Variants in TRAK2 observed in about 807,000 individuals in gnomAD.
The protein encoded by TRAK2 is trafficking kinesin-binding protein 2.
A neutral mutation model predicts 104.6 loss-of-function variants in TRAK2; 81 were observed. The ratio of observed to expected loss-of-function variants is 0.77; its 90% CI spans 0.65 to 0.93. The LOEUF (loss-of-function observed/expected upper bound fraction) is 0.93. Ranked by LOEUF, TRAK2 falls within the 40% of genes least tolerant of loss-of-function variation. The pLI is 0.00. For missense variants in TRAK2, 1,002 were observed against 1,089.0 expected (o/e 0.92, Z 1.12); for synonymous variants, 406 against 394.4 (o/e 1.03, Z -0.35).
intron 1 of TRAK2, among the ~76,000 whole-genome samples, chr2:201,430,787 G>C (rs1249748874): frequency 6.6e-6 from 1 of 152,206 alleles, no homozygotes; most frequent in South Asian, 2.1e-4. Context: ...CAGGTGAGGC[G>C]ATGCCCTGCC....
chr2:201,386,548 C>G (rs1951392954), intron 13 of TRAK2, 64 bp from the exon 14 acceptor site: 9 of 1,567,048 alleles, frequency 5.7e-6, no homozygotes, highest in Non-Finnish European at 7.9e-6. Flanking sequence ...TCTTAAAACA[C>G]AAGCTAAAAT....
intron 5 of TRAK2, 137 bp from the exon 6 acceptor site, chr2:201,398,491 C>CG (rs752775999): frequency 2.6e-6 from 2 of 755,296 alleles, no homozygotes; most frequent in Non-Finnish European, 4.2e-6. Context: ...TACTGACTAA[C>CG]GCAACAAGTA....
intron 2 of TRAK2, among the ~76,000 whole-genome samples, chr2:201,408,713 C>G (rs1195888102): frequency 2.0e-5 from 3 of 152,172 alleles, no homozygotes; most frequent in Admixed American, 2.0e-4. Flanking sequence ...GGTCTGATCT[C>G]AACTTACATG....
In TRAK2 at chr2:201,391,320, C is replaced by T. The variant is rs544522767; in HGVS notation, c.1114-1440G>A. On this transcript the variant is annotated intron_variant, in intron 10 of 15. Transcript: ENST00000332624. ...AGAAATCCATGAGTCCATGACATAC[C>T]TAAGTGAACAAATGAACAAATAAAT... is the stretch of plus-strand genomic sequence containing the variant. Among the ~76,000 whole-genome samples, 404 of 152,200 alleles carry T rather than the reference C, an allele frequency of 2.7e-3. 3 individuals are homozygous for T. The highest frequency in any genetic ancestry group is 8.9e-3 in the African/African-American group (369 of 41,518).
intron 3 of TRAK2, among the ~76,000 whole-genome samples, chr2:201,404,751 T>C (rs1420663787): frequency 6.6e-6 from 1 of 152,144 alleles, no homozygotes; most frequent in Non-Finnish European, 1.5e-5. Context: ...CTCTCCAACT[T>C]TCCCACACCA....
At position 201,388,007 on chromosome 2, in the gene TRAK2, G is replaced by A. The variant is rs1286317723; in HGVS notation, c.1398-6C>T. 1.2e-6 allele frequency: 2 copies of A among 1,613,942 alleles called. No homozygotes were observed. Among genetic ancestry groups the A allele is most frequent in the Non-Finnish European group, 1.7e-6 (2 of 1,179,974 alleles). ...GGCCCATCTTCTGGGAGCTCCTATA[G>A]GAAAATCGCGTTCACTGATTAGATC... On this transcript the variant is annotated splice_polypyrimidine_tract_variant and splice_region_variant and intron_variant, in intron 12 of 15. Transcript: ENST00000332624.
At chr2:201,386,087 A>C (rs898164468) in intron 14 of TRAK2, 131 bp downstream of exon 14, 26 of 973,948 alleles carry the variant, frequency 2.7e-5, no homozygotes, top group African/African-American at 4.9e-5. Context: ...CTAATGCTAT[A>C]GATTTTCATT....
At chr2:201,435,565 C>T (rs555817909) in intron 1 of TRAK2, among the ~76,000 whole-genome samples, 5 of 152,040 alleles carry the variant, frequency 3.3e-5, no homozygotes, top group South Asian at 2.1e-4. Context: ...GTTTAGTATG[C>T]ATTATTTAAA....
chr2:201,447,599 T>C lies in TRAK2; in HGVS notation c.-200+3751A>G, dbSNP rs1951974076. ...GTCTTTCCTTTGTGTGTGCAACTCC[T>C]GTGTCTCTTTTTGTGCTCAAATTTC... is the stretch of plus-strand genomic sequence containing the variant. On this transcript the variant is annotated intron_variant, in intron 1 of 15. Coordinates refer to ENST00000332624, the MANE Select transcript of TRAK2 (RefSeq NM_015049.3). The surrounding 1 kb of genome is among the most constrained non-coding windows in gnomAD (Gnocchi z 4.1). Among the ~76,000 whole-genome samples the C allele has an allele frequency of 6.6e-6, 1 of 152,238 alleles. No homozygotes were observed. Among genetic ancestry groups the C allele is most frequent in the Non-Finnish European group, 1.5e-5 (1 of 68,034 alleles).
intron 1 of TRAK2, among the ~76,000 whole-genome samples, chr2:201,450,955 T>G (rs1247404380): frequency 6.6e-6 from 1 of 152,204 alleles, no homozygotes; most frequent in African/African-American, 2.4e-5. Context: ...GAAAGAGCTC[T>G]TTCCAATACC....
rs1293422024 is a variant in TRAK2, at chr2:201,394,846, T to A, written c.927A>T (p.Lys309Asn). ...KEHVIEKEEL[K>N]LHLQASKDAQ... The stretch of plus-strand genomic sequence containing the variant: ...CATCTTTGGAAGCTTGCAGGTGAAG[T>A]TTTAGTTCTTCCTTCTCAATCACAT... The change falls in exon 9 of 16, where the codon AAA becomes AAT. Residue 309 changes from lysine to asparagine, a missense_variant. Physicochemically the swap from Lys to Asn is moderately conservative, Grantham distance 94. Transcript: ENST00000332624. The A allele has an allele frequency of 9.9e-6, 16 of 1,613,960 alleles. No homozygotes were observed. Among genetic ancestry groups the A allele is most frequent in the Non-Finnish European group, 1.3e-5 (15 of 1,179,908 alleles).
At chr2:201,446,845 T>A (rs191801519) in intron 1 of TRAK2, among the ~76,000 whole-genome samples, 2 of 152,234 alleles carry the variant, frequency 1.3e-5, no homozygotes, top group African/African-American at 2.4e-5. Context: ...AATATTCTGA[T>A]AGTTGTATAA....
chr2:201,423,185 C>T (rs1473579427), intron 1 of TRAK2, among the ~76,000 whole-genome samples: 1 of 152,064 alleles, frequency 6.6e-6, no homozygotes, highest in Non-Finnish European at 1.5e-5. Context: ...AGTGATCCTC[C>T]TGCCTCAACT....
At chr2:201,430,341 T>G (rs1281273572) in intron 1 of TRAK2, among the ~76,000 whole-genome samples, 2 of 152,354 alleles carry the variant, frequency 1.3e-5, no homozygotes, top group Non-Finnish European at 1.5e-5. Flanking sequence ...GGAGAACCAC[T>G]ATTCTCTTCA....
At position 201,397,522 on chromosome 2, in the gene TRAK2, C is replaced by A; in HGVS notation, c.749G>T (p.Ser250Ile). 1 of 1,612,732 alleles carries A rather than the reference C, an allele frequency of 6.2e-7. No homozygotes were observed. The highest frequency in any genetic ancestry group is 8.5e-7 in the Non-Finnish European group (1 of 1,179,172). ...CTCACGAAGTTCTTTAACACAGTCG[C>A]TGACAAGCTGTTGTTCCTTTTCTTC... ...TYEEKEQQLV[S>I]DCVKELRETN... The change falls in exon 7 of 16, where the codon AGC becomes ATC. Residue 250 changes from serine to isoleucine, a missense_variant. By Grantham distance (142) the Ser-to-Ile change is moderately radical. Coordinates refer to ENST00000332624, the MANE Select transcript of TRAK2 (RefSeq NM_015049.3).
At chr2:201,440,853 T>C (rs568859479) in intron 1 of TRAK2, among the ~76,000 whole-genome samples, 8 of 152,316 alleles carry the variant, frequency 5.3e-5, no homozygotes, top group African/African-American at 1.9e-4. Context: ...GGTTAATCAG[T>C]GTTTATTGAT....
chr2:201,380,909 C>A lies in TRAK2; in HGVS notation c.2379G>T (p.Glu793Asp), dbSNP rs1951337000. ...AATTTTCAGAGAGATGCACTCGAGG[C>A]TCAAAGGGTAAAGGAGAAGGGCAAG... Reference protein sequence around the residue: ...HSPCPSPLPFEPRVHLSENFL... With the variant: ...HSPCPSPLPFDPRVHLSENFL... Residue 793 changes from glutamate (E) to aspartate (D), a missense_variant, in exon 16 of 16, where the codon GAG becomes GAT. Coordinates refer to ENST00000332624, the MANE Select transcript of TRAK2 (RefSeq NM_015049.3). The A allele has an allele frequency of 1.2e-6, 2 of 1,613,906 alleles. No individual in the cohort carries two copies. The highest frequency in any genetic ancestry group is 1.1e-5 in the South Asian group (1 of 91,084).
At chr2:201,418,441 T>C (rs1014109109) in intron 2 of TRAK2, among the ~76,000 whole-genome samples, 1 of 152,182 alleles carries the variant, frequency 6.6e-6, no homozygotes, top group Non-Finnish European at 1.5e-5. Context: ...ACAATTTATA[T>C]AAAAATGTGA....
chr2:201,447,047 T>C lies in TRAK2; in HGVS notation c.-200+4303A>G, dbSNP rs946632846. Among the ~76,000 whole-genome samples, 2 of 152,256 alleles carry C rather than the reference T, an allele frequency of 1.3e-5. No homozygotes were observed. The highest frequency in any genetic ancestry group is 2.9e-5 in the Non-Finnish European group (2 of 68,038). On this transcript the variant is annotated intron_variant, in intron 1 of 15. Transcript: ENST00000332624. This position sits in a 1 kb window ranked among gnomAD's most constrained non-coding sequence, Gnocchi z 4.1. ...TCAATATTCTGGGAAAACTGTTAGT[T>C]CAGCATCCTGTGGCACTAGCTACCT...
Sources: gnomAD v4.1 joint callset for allele counts (sites outside exome capture counted in the v4.1 genomes callset) on GRCh38, gnomAD v4.1.1 for gene constraint, Gnocchi (gnomAD v3.1) non-coding constraint, MANE v1.5 for transcripts, NCBI Gene and HGNC (gene_info 2026-07-23, HGNC 2026-07-21) for gene names.